The following ADCYAP1R1 variants were observed in gnomAD, a reference collection of about 807,000 sequenced individuals.
ADCYAP1R1 encodes the protein pituitary adenylate cyclase-activating polypeptide type I receptor.
Under a neutral mutation model 67.6 loss-of-function variants are expected in ADCYAP1R1, and 44 were observed. The observed-to-expected ratio is 0.65, with a 90% CI of 0.51 to 0.84. The LOEUF (loss-of-function observed/expected upper bound fraction) is 0.84, where lower values mean the gene tolerates loss of function less well. ADCYAP1R1 is among the 40% of genes least tolerant of loss of function. ADCYAP1R1 has a pLI of 0.00. For synonymous variants in ADCYAP1R1, 222 were observed against 219.6 expected (o/e 1.01, Z -0.10); for missense variants, 477 against 587.9 (o/e 0.81, Z 1.95).
At chr7:31,057,912 G>T (rs560721819) in intron 1 of ADCYAP1R1, among the ~76,000 whole-genome samples, 1 of 152,338 alleles carries the variant, frequency 6.6e-6, no homozygotes, top group African/African-American at 2.4e-5. Context: ...CTCTGATGGG[G>T]AGGGATGCTG....
chr7:31,059,546 C>A (rs763704349), intron 1 of ADCYAP1R1, among the ~76,000 whole-genome samples: 1 of 152,126 alleles, frequency 6.6e-6, no homozygotes, highest in African/African-American at 2.4e-5. Context: ...GGGGAGAGAT[C>A]AACCCTGGGC....
intron 1 of ADCYAP1R1, among the ~76,000 whole-genome samples, chr7:31,062,193 A>C (rs1794534264): frequency 6.6e-6 from 1 of 152,294 alleles, no homozygotes; most frequent in Non-Finnish European, 1.5e-5. Context: ...CGTAATGATC[A>C]ATTTTAGAAG....
chr7:31,061,073 G>A (rs1374309855), intron 1 of ADCYAP1R1, among the ~76,000 whole-genome samples: 2 of 152,216 alleles, frequency 1.3e-5, no homozygotes, highest in Admixed American at 6.5e-5. Flanking sequence ...TCTGCTAGGG[G>A]GCAGCCCAGT....
At chr7:31,070,274 A>G (rs1794916767) in intron 3 of ADCYAP1R1, among the ~76,000 whole-genome samples, 1 of 152,210 alleles carries the variant, frequency 6.6e-6, no homozygotes, top group South Asian at 2.1e-4. Flanking sequence ...GCAGGTTTTC[A>G]TCAGCCCAGA....
chr7:31,074,894 C>G, intron 3 of ADCYAP1R1, among the ~76,000 whole-genome samples: 1 of 152,222 alleles, frequency 6.6e-6, no homozygotes, highest in Non-Finnish European at 1.5e-5. Flanking sequence ...TTCCCAAACT[C>G]TGTCTTTCCA....
intron 8 of ADCYAP1R1, 54 bp downstream of exon 8, chr7:31,084,888 G>A: frequency 1.3e-6 from 2 of 1,505,378 alleles, no homozygotes; most frequent in South Asian, 1.1e-5. Flanking sequence ...GGGCCTCAGA[G>A]GCCTTGGTGC....
At chr7:31,073,613 C>G (rs866762853) in intron 3 of ADCYAP1R1, among the ~76,000 whole-genome samples, 5 of 152,182 alleles carry the variant, frequency 3.3e-5, no homozygotes, top group Admixed American at 3.3e-4. Context: ...AGCTCCAATC[C>G]GCTGAGGCCA....
At chr7:31,099,935 T>C (rs1019986457) in intron 13 of ADCYAP1R1, among the ~76,000 whole-genome samples, 4 of 152,218 alleles carry the variant, frequency 2.6e-5, no homozygotes, top group Non-Finnish European at 5.9e-5. Context: ...TGCACACTCA[T>C]GTCCACGTAT....
chr7:31,102,095 G>A lies in ADCYAP1R1; in HGVS notation c.1047-1142G>A, dbSNP rs999788801. ...AGAGTTCAGCTTCTCTAGAGATCTG[G>A]AGCTCCCATGTTCAACAGAACATTC... On this transcript the variant is annotated intron_variant, in intron 13 of 15. Transcript: ENST00000304166. This position sits in a 1 kb window ranked among gnomAD's most constrained non-coding sequence, Gnocchi z 4.3. Among the ~76,000 whole-genome samples, 10 of 152,230 alleles carry A rather than the reference G, an allele frequency of 6.6e-5. No homozygotes were observed. Among genetic ancestry groups the A allele is most frequent in the Non-Finnish European group, 1.2e-4 (8 of 68,038 alleles).
rs994358999 is a variant in ADCYAP1R1 at position 31,078,016 on chromosome 7, C to T, written c.183C>T (p.Ile61=). 6.2e-7 allele frequency: 1 copy of T among 1,612,462 alleles called. No homozygotes were observed. The highest frequency in any genetic ancestry group is 8.5e-7 in the Non-Finnish European group (1 of 1,179,088). The stretch of plus-strand genomic sequence containing the variant: ...GCTGTCCTGGGATGTGGGACAACAT[C>T]ACGTGTTGGAAGCCCGCCCATGTGG... ...SPGCPGMWDN[I]TCWKPAHVGE... Residue 61 remains isoleucine, a synonymous_variant, in exon 4 of 16, where the codon ATC becomes ATT. Coordinates refer to ENST00000304166, the MANE Select transcript of ADCYAP1R1 (RefSeq NM_001118.5).
intron 8 of ADCYAP1R1, 50 bp from the exon 9 acceptor site, chr7:31,085,260 G>GA (rs753254103): frequency 1.9e-6 from 3 of 1,586,974 alleles, no homozygotes; most frequent in Non-Finnish European, 2.6e-6. Flanking sequence ...TGGAGGGTGT[G>GA]AAATGCTGTG....
At chr7:31,105,167 C>T (rs1196174886) in intron 15 of ADCYAP1R1, among the ~76,000 whole-genome samples, 1 of 152,268 alleles carries the variant, frequency 6.6e-6, no homozygotes, top group African/African-American at 2.4e-5. Context: ...AGCAAAGCTC[C>T]TGGTAAAAGC....
In ADCYAP1R1 at chr7:31,084,791, C is replaced by T. The variant is rs1176907163; in HGVS notation, c.493C>T (p.Leu165Phe). Residue 165 changes from leucine to phenylalanine, a missense_variant, in exon 8 of 16, where the codon CTC becomes TTC. Leu to Phe is a conservative substitution (Grantham distance 22). Coordinates refer to ENST00000304166, the MANE Select transcript of ADCYAP1R1 (RefSeq NM_001118.5). The part of the protein sequence containing the change: ...ALYTVGYSTS[L>F]VTLTTAMVIL... ...CTACACGGTTGGCTACAGCACATCC[C>T]TCGTCACCCTCACCACTGCCATGGT... is the stretch of plus-strand genomic sequence containing the variant. 2 of 1,614,148 alleles carry T rather than the reference C, an allele frequency of 1.2e-6. No individual in the cohort carries two copies. Among genetic ancestry groups the T allele is most frequent in the South Asian group, 2.2e-5 (2 of 91,080 alleles).
chr7:31,080,719 G>T, intron 5 of ADCYAP1R1, 86 bp downstream of exon 5: 1 of 1,432,274 alleles, frequency 7.0e-7, no homozygotes. Flanking sequence ...GGCTCCGGCT[G>T]CTGGGATTGG....
At chr7:31,096,326 CG>C (rs1796192784) in intron 13 of ADCYAP1R1, among the ~76,000 whole-genome samples, 1 of 152,042 alleles carries the variant, frequency 6.6e-6, no homozygotes, top group African/African-American at 2.4e-5. Context: ...ATGGCTGTGC[CG>C]GGGCCAGGCA....
chr7:31,074,819 A>G (rs1795138895), intron 3 of ADCYAP1R1, among the ~76,000 whole-genome samples: 1 of 152,180 alleles, frequency 6.6e-6, no homozygotes, highest in Non-Finnish European at 1.5e-5. Flanking sequence ...AGCTCCCCTC[A>G]TCTGGCCTTT....
intron 1 of ADCYAP1R1, 107 bp from the exon 2 acceptor site, chr7:31,063,087 G>A (rs1472296442): frequency 1.1e-5 from 7 of 654,996 alleles, no homozygotes; most frequent in African/African-American, 1.8e-5. Context: ...TATCCTTGGA[G>A]GCTGAGAGCC....
intron 13 of ADCYAP1R1, 76 bp downstream of exon 13, chr7:31,092,811 C>T (rs573796032): frequency 6.3e-5 from 69 of 1,100,574 alleles, no homozygotes; most frequent in Non-Finnish European, 8.4e-5. Flanking sequence ...CAGCAGAAGG[C>T]GGCCTGGGCT....
chr7:31,090,843 A>G (rs1449379423), intron 12 of ADCYAP1R1, among the ~76,000 whole-genome samples: 4 of 152,194 alleles, frequency 2.6e-5, no homozygotes, highest in African/African-American at 7.2e-5. Flanking sequence ...TGTGGGTCCC[A>G]TGTCTTTGCT....
Sources: gnomAD v4.1 joint callset for allele counts (sites outside exome capture counted in the v4.1 genomes callset) on GRCh38, gnomAD v4.1.1 for gene constraint, Gnocchi (gnomAD v3.1) non-coding constraint, MANE v1.5 for transcripts, NCBI Gene and HGNC (gene_info 2026-07-23, HGNC 2026-07-21) for gene names.